The following KCNIP3 variants were observed in gnomAD, a reference collection of about 807,000 sequenced individuals.
The protein encoded by KCNIP3 is calsenilin.
A neutral mutation model predicts 35.0 loss-of-function variants in KCNIP3; 28 were observed. The ratio of observed to expected loss-of-function variants is 0.80; its 90% confidence interval spans 0.59 to 1.10. The LOEUF is 1.10. Among genes scored for constraint, KCNIP3 ranks in the 50% least tolerant of loss-of-function variants. KCNIP3 has a pLI of 0.00. For missense variants in KCNIP3, 295 were observed against 338.4 expected, an observed-to-expected ratio of 0.87 and a Z score of 1.01; for synonymous variants, 134 against 133.8, an observed-to-expected ratio of 1.00 and a Z score of -0.01.
chr2:95,327,961 G>C (rs1027786971), intron 2 of KCNIP3, among the ~76,000 whole-genome samples: 1 of 152,224 alleles, frequency 6.6e-6, no homozygotes, highest in African/African-American at 2.4e-5. Flanking sequence ...GCTGTGGTTG[G>C]GTTGTCGGGG....
chr2:95,383,124 T>TCCCC, intron 7 of KCNIP3, 108 bp from the exon 8 acceptor site: 1 of 289,100 alleles, frequency 3.5e-6, no homozygotes, highest in Non-Finnish European at 6.9e-6. Context: ...CACCCGCCCA[T>TCCCC]CCACCCACCC....
At position 95,382,743 on chromosome 2, in the gene KCNIP3, C is replaced by T. The variant is rs1680380674; in HGVS notation, c.660+262C>T. 2.0e-5 allele frequency among the ~76,000 whole-genome samples: 3 copies of T among 152,314 alleles called. No individual in the cohort carries two copies. In the South Asian group the frequency reaches 6.2e-4, roughly 32 times the overall value. ...ACCCTGGGCCGGAGCTCCATGCCTC[C>T]TGAGAGCTGTGTGGCTCCTCCAGGA... On this transcript the variant is annotated intron_variant, in intron 7 of 8. Coordinates refer to ENST00000295225, the MANE Select transcript of KCNIP3 (RefSeq NM_013434.5). The surrounding 1 kb of genome is among the most constrained non-coding windows in gnomAD (Gnocchi z 4.5).
At chr2:95,383,173 A>AG in intron 7 of KCNIP3, 59 bp from the exon 8 acceptor site, 1 of 1,170,524 alleles carries the variant, frequency 8.5e-7, no homozygotes, top group African/African-American at 1.7e-5. Flanking sequence ...TCCTCAGGCC[A>AG]GGGGCGGGGC....
chr2:95,330,991 G>A (rs551600188), intron 2 of KCNIP3, among the ~76,000 whole-genome samples: 18 of 152,348 alleles, frequency 1.2e-4, no homozygotes, highest in Non-Finnish European at 1.8e-4. Context: ...GGCACATGGC[G>A]TTCAAATACA....
At chr2:95,358,683 A>G (rs1206564302) in intron 2 of KCNIP3, among the ~76,000 whole-genome samples, 1 of 152,254 alleles carries the variant, frequency 6.6e-6, no homozygotes, top group Admixed American at 6.5e-5. Context: ...TTGCTGTGTC[A>G]TAACATGGCG....
At chr2:95,308,109 T>TGC (rs1558758172) in intron 1 of KCNIP3, among the ~76,000 whole-genome samples, 45 of 151,812 alleles carry the variant, frequency 3.0e-4, no homozygotes, top group African/African-American at 1.0e-3. Context: ...TGTGTGTGCG[T>TGC]GTGTGTGCAT....
chr2:95,344,274 T>C (rs150727078), intron 2 of KCNIP3, among the ~76,000 whole-genome samples: 1 of 129,728 alleles, frequency 7.7e-6, no homozygotes, highest in Admixed American at 7.9e-5. Context: ...GGTGGCGGGG[T>C]GGGGGGGGGC....
intron 5 of KCNIP3, among the ~76,000 whole-genome samples, chr2:95,379,387 A>G (rs1278673450): frequency 6.6e-6 from 1 of 152,114 alleles, no homozygotes; most frequent in Middle Eastern, 3.2e-3. Context: ...TTCTCCAGTC[A>G]TCTGAACCTG....
chr2:95,324,445 C>T (rs1333448867), intron 2 of KCNIP3, among the ~76,000 whole-genome samples: 1 of 151,534 alleles, frequency 6.6e-6, no homozygotes, highest in Non-Finnish European at 1.5e-5. Context: ...GCCCAGGAGG[C>T]GGAGCTTGCA....
chr2:95,374,198 C>T, intron 2 of KCNIP3, 98 bp from the exon 3 acceptor site: 11 of 1,460,252 alleles, frequency 7.5e-6, no homozygotes, highest in Non-Finnish European at 1.0e-5. Flanking sequence ...AAGAGAGTTC[C>T]TCCACCTGCT....
intron 2 of KCNIP3, among the ~76,000 whole-genome samples, chr2:95,371,957 A>G (rs1680051050): frequency 6.6e-6 from 1 of 151,898 alleles, no homozygotes; most frequent in Non-Finnish European, 1.5e-5. Context: ...GGTGCCCGCC[A>G]CTGCACCCGG....
intron 2 of KCNIP3, among the ~76,000 whole-genome samples, chr2:95,351,291 G>C (rs1241131701): frequency 3.9e-5 from 6 of 152,258 alleles, no homozygotes; most frequent in Non-Finnish European, 8.8e-5. Context: ...ATTTCCGCAG[G>C]GTCCCACTGG....
chr2:95,325,278 G>A (rs753280418), intron 2 of KCNIP3, among the ~76,000 whole-genome samples: 1 of 152,200 alleles, frequency 6.6e-6, no homozygotes, highest in Non-Finnish European at 1.5e-5. Flanking sequence ...TGGCGGAGAC[G>A]GTGCAGGAGC....
chr2:95,334,037 G>A (rs1464800217), intron 2 of KCNIP3, among the ~76,000 whole-genome samples: 1 of 152,134 alleles, frequency 6.6e-6, no homozygotes, highest in African/African-American at 2.4e-5. Context: ...GACACCCTTG[G>A]GCCCTCGGCT....
intron 2 of KCNIP3, among the ~76,000 whole-genome samples, chr2:95,373,835 G>A (rs1432851911): frequency 2.6e-5 from 4 of 152,224 alleles, no homozygotes; most frequent in Non-Finnish European, 4.4e-5. Context: ...GAACAGCATC[G>A]CCTTAGGCCT....
chr2:95,332,920 G>A (rs759255528), intron 2 of KCNIP3, among the ~76,000 whole-genome samples: 15 of 152,046 alleles, frequency 9.9e-5, no homozygotes, highest in Non-Finnish European at 1.5e-4. Context: ...TACATCCTTG[G>A]GGGTCTTCCA....
intron 3 of KCNIP3, 55 bp from the exon 4 acceptor site, chr2:95,374,793 G>T (rs1680132247): frequency 2.5e-6 from 4 of 1,583,104 alleles, no homozygotes; most frequent in Non-Finnish European, 3.5e-6. Context: ...ACCATGCAGA[G>T]TCGGGCTTGG....
intron 2 of KCNIP3, 27 bp downstream of exon 2, chr2:95,310,547 A>ATT: frequency 1.8e-6 from 1 of 562,842 alleles, no homozygotes; most frequent in Non-Finnish European, 2.9e-6. Flanking sequence ...GCTGTGGTCA[A>ATT]GGGTGGGGGT....
intron 2 of KCNIP3, among the ~76,000 whole-genome samples, chr2:95,373,305 C>G (rs749060579): frequency 2.0e-5 from 3 of 150,816 alleles, no homozygotes; most frequent in African/African-American, 7.3e-5. Flanking sequence ...GCATGTCACA[C>G]CAAAAGAAAT....
Sources: gnomAD v4.1 joint callset for allele counts (sites outside exome capture counted in the v4.1 genomes callset) on GRCh38, gnomAD v4.1.1 for gene constraint, Gnocchi (gnomAD v3.1) non-coding constraint, MANE v1.5 for transcripts, NCBI Gene and HGNC (gene_info 2026-07-23, HGNC 2026-07-21) for gene names.